The following RNF217 variants were observed in gnomAD, a reference collection of about 807,000 sequenced individuals.
The protein encoded by RNF217 is E3 ubiquitin-protein ligase RNF217.
RNF217 carries 31 observed loss-of-function variants against 57.8 expected under a neutral mutation model. That is an observed-to-expected ratio of 0.54 (90% CI 0.40 to 0.72). The LOEUF is 0.72. RNF217 is among the 30% of genes least tolerant of loss of function. RNF217 has a pLI of 0.00. For missense variants in RNF217, 696 were observed against 708.3 expected, an observed-to-expected ratio of 0.98 and a Z score of 0.20; for synonymous variants, 313 against 294.0, an observed-to-expected ratio of 1.06 and a Z score of -0.66.
At chr6:125,025,444 G>A (rs776741016) in intron 1 of RNF217, among the ~76,000 whole-genome samples, 1 of 152,094 alleles carries the variant, frequency 6.6e-6, no homozygotes, top group African/African-American at 2.4e-5. Flanking sequence ...GTTAGCAGAG[G>A]GAGGTGAGAT....
At chr6:124,972,418 G>C (rs897269351) in intron 1 of RNF217, among the ~76,000 whole-genome samples, 1 of 152,090 alleles carries the variant, frequency 6.6e-6, no homozygotes, top group Non-Finnish European at 1.5e-5. Flanking sequence ...ATATGCCAGA[G>C]GGTTCTTTAT....
intron 2 of RNF217, chr6:125,046,641 T>C (rs1787109584): frequency 2.2e-6 from 1 of 455,896 alleles, no homozygotes; most frequent in Non-Finnish European, 4.4e-6. Flanking sequence ...CAAAGGCTGT[T>C]TGGAGTCATC....
In RNF217 at chr6:125,009,371, C is replaced by G. The variant is rs528912422; in HGVS notation, c.883-35840C>G. 8.3e-5 allele frequency: 70 copies of G among 842,878 alleles called. No individual in the cohort carries two copies. The East Asian group carries it at 1.7e-3, about 20-fold the overall frequency. 52.2% of individuals were successfully genotyped at this position (842,878 alleles called of 1,614,324 possible). On this transcript the variant is annotated intron_variant, in intron 1 of 5. Coordinates refer to ENST00000521654, the MANE Select transcript of RNF217 (RefSeq NM_001286398.3). ...AAACACCTCCTGTGAAGCCCTCTCACAGACATAGAGCCTGGAAGAGTAGAT... is the reference window on the plus strand; with the variant it reads ...AAACACCTCCTGTGAAGCCCTCTCAGAGACATAGAGCCTGGAAGAGTAGAT...
intron 3 of RNF217, among the ~76,000 whole-genome samples, chr6:125,068,893 G>T (rs182958318): frequency 1.3e-5 from 2 of 152,214 alleles, no homozygotes; most frequent in Non-Finnish European, 2.9e-5. Flanking sequence ...GGGCCAGGTG[G>T]AATGAAAGGA....
chr6:124,993,297 C>G (rs552627887), intron 1 of RNF217, among the ~76,000 whole-genome samples: 2 of 152,222 alleles, frequency 1.3e-5, no homozygotes, highest in Non-Finnish European at 2.9e-5. Flanking sequence ...GGTTTTCTGA[C>G]TAAGCGAACA....
chr6:125,045,203 T>C lies in RNF217; in HGVS notation c.883-8T>C. ...TTTTTTCCTTCCATCTGCTCTTCCATCATGCAGGTACAACTTGGCCAAGTA... is the reference window on the plus strand; with the variant it reads ...TTTTTTCCTTCCATCTGCTCTTCCACCATGCAGGTACAACTTGGCCAAGTA... On this transcript the variant is annotated splice_region_variant and splice_polypyrimidine_tract_variant and intron_variant, in intron 1 of 5. Coordinates refer to ENST00000521654, the MANE Select transcript of RNF217 (RefSeq NM_001286398.3). 1 of 1,590,544 alleles carries C rather than the reference T, an allele frequency of 6.3e-7. No individual in the cohort carries two copies. The highest frequency in any genetic ancestry group is 8.6e-7 in the Non-Finnish European group (1 of 1,163,242).
chr6:125,001,129 G>A (rs1343739795), intron 1 of RNF217, among the ~76,000 whole-genome samples: 3 of 152,098 alleles, frequency 2.0e-5, no homozygotes, highest in Admixed American at 6.5e-5. Context: ...ACCACCTACT[G>A]CTGATTTATG....
intron 2 of RNF217, among the ~76,000 whole-genome samples, chr6:125,049,549 C>T (rs930389058): frequency 6.6e-6 from 1 of 152,066 alleles, no homozygotes; most frequent in Admixed American, 6.6e-5. Context: ...CTGTCACACA[C>T]TAGCTCTGTC....
At chr6:125,066,515 C>G (rs1787943461) in intron 3 of RNF217, among the ~76,000 whole-genome samples, 1 of 152,122 alleles carries the variant, frequency 6.6e-6, no homozygotes, top group South Asian at 2.1e-4. Flanking sequence ...AATGTTCTTA[C>G]CACAGATGTG....
At chr6:125,075,233 G>T (rs1788316499) in intron 3 of RNF217, among the ~76,000 whole-genome samples, 1 of 152,006 alleles carries the variant, frequency 6.6e-6, no homozygotes, top group South Asian at 2.1e-4. Flanking sequence ...CTTCTAGTGT[G>T]GTCAAAAGAT....
chr6:124,963,460 T>G (rs1783390511), intron 1 of RNF217, 34 bp downstream of exon 1: 1 of 1,436,078 alleles, frequency 7.0e-7, no homozygotes, highest in Non-Finnish European at 9.1e-7. Context: ...CCATTTATCA[T>G]TCCAAATCAC....
At chr6:125,033,564 T>A (rs1311862299) in intron 1 of RNF217, among the ~76,000 whole-genome samples, 2 of 149,628 alleles carry the variant, frequency 1.3e-5, no homozygotes, top group African/African-American at 2.5e-5. Flanking sequence ...ATGGTGTATA[T>A]GTGCCACATT....
intron 1 of RNF217, among the ~76,000 whole-genome samples, chr6:124,999,384 A>G (rs1784882656): frequency 6.6e-6 from 1 of 151,980 alleles, no homozygotes; most frequent in Non-Finnish European, 1.5e-5. Context: ...TGTCTTGTGA[A>G]TTCCTGTAAG....
chr6:125,057,797 TA>T (rs1438645892), intron 2 of RNF217, 144 bp from the exon 3 acceptor site: 1 of 583,364 alleles, frequency 1.7e-6, no homozygotes, highest in Non-Finnish European at 2.8e-6. Flanking sequence ...AGAGTATTCA[TA>T]TCTTCCTGTA....
chr6:124,962,852 T>G lies in RNF217; in HGVS notation c.308T>G (p.Leu103Arg). 1 of 1,597,928 alleles carries G rather than the reference T, an allele frequency of 6.3e-7. No individual in the cohort carries two copies. The highest frequency in any genetic ancestry group is 8.5e-7 in the Non-Finnish European group (1 of 1,179,590). ...CCTCTCAATCCCCAGACCTTGCCACTGCAGTTGGAGCTGGAGGAGGAAGAG... is the reference window on the plus strand; with the variant it reads ...CCTCTCAATCCCCAGACCTTGCCACGGCAGTTGGAGCTGGAGGAGGAAGAG... ...TGPLNPQTLPLQLELEEEEEE... is the reference protein window; with the variant it reads ...TGPLNPQTLPRQLELEEEEEE... Residue 103 changes from leucine (L) to arginine (R), a missense_variant, in exon 1 of 6, where the codon CTG becomes CGG. Coordinates refer to ENST00000521654, the MANE Select transcript of RNF217 (RefSeq NM_001286398.3). The surrounding 1 kb of genome is among the most constrained non-coding windows in gnomAD (Gnocchi z 4.6).
At chr6:124,975,494 A>G (rs907487173) in intron 1 of RNF217, among the ~76,000 whole-genome samples, 1 of 152,192 alleles carries the variant, frequency 6.6e-6, no homozygotes, top group Admixed American at 6.5e-5. Flanking sequence ...GCAGTGGCTC[A>G]ATCATGGTTC....
intron 1 of RNF217, among the ~76,000 whole-genome samples, chr6:124,991,132 C>A (rs1417280374): frequency 2.0e-5 from 3 of 152,182 alleles, no homozygotes; most frequent in African/African-American, 4.8e-5. Flanking sequence ...GGCCAAAGAT[C>A]TTGCAGTGGC....
intron 1 of RNF217, among the ~76,000 whole-genome samples, chr6:124,992,414 T>A (rs561388649): frequency 6.6e-6 from 1 of 152,308 alleles, no homozygotes; most frequent in African/African-American, 2.4e-5. Flanking sequence ...ACTAAGAGGC[T>A]ATAGAACATT....
chr6:124,979,169 G>C (rs926802135), intron 1 of RNF217, among the ~76,000 whole-genome samples: 2 of 152,216 alleles, frequency 1.3e-5, no homozygotes, highest in African/African-American at 4.8e-5. Context: ...CCAAGGACCT[G>C]ACCCTGTCTG....
Sources: allele counts gnomAD v4.1 joint callset (sites outside exome capture counted in the v4.1 genomes callset), GRCh38; gene constraint gnomAD v4.1.1; non-coding constraint Gnocchi (gnomAD v3.1); transcripts MANE v1.5; gene names NCBI Gene and HGNC (gene_info 2026-07-23, HGNC 2026-07-21).